The following CDH12 variants were observed in gnomAD, a reference collection of about 807,000 sequenced individuals.
CDH12 encodes the protein cadherin-12.
A neutral mutation model predicts 74.1 loss-of-function variants in CDH12; 41 were observed. The ratio of observed to expected loss-of-function variants is 0.55; its 90% CI spans 0.43 to 0.72. CDH12 has a LOEUF of 0.72. Among genes scored for constraint, CDH12 ranks in the 30% least tolerant of loss-of-function variants. The probability of loss-of-function intolerance (pLI) is 0.00; values close to 1 mark genes in which losing one functional copy is unlikely to be tolerated. For missense variants in CDH12, 945 were observed against 977.2 expected (o/e 0.97, Z 0.44); for synonymous variants, 399 against 355.0 (o/e 1.12, Z -1.39).
intron 8 of CDH12, among the ~76,000 whole-genome samples, chr5:21,827,541 T>C (rs1429263416): frequency 6.6e-6 from 1 of 152,170 alleles, no homozygotes; most frequent in African/African-American, 2.4e-5. Flanking sequence ...CTTACAAAGC[T>C]CACAACATTA....
chr5:22,579,909 A>G (rs1739994455), intron 1 of CDH12, among the ~76,000 whole-genome samples: 1 of 152,150 alleles, frequency 6.6e-6, no homozygotes, highest in Non-Finnish European at 1.5e-5. Flanking sequence ...CTCTTCGAAG[A>G]GGCTGACCTT....
chr5:22,710,225 C>A (rs2126972822), intron 1 of CDH12, among the ~76,000 whole-genome samples: 1 of 152,300 alleles, frequency 6.6e-6, no homozygotes, highest in Non-Finnish European at 1.5e-5. Context: ...ACAGGTACCT[C>A]AAGCTACTTG....
intron 1 of CDH12, among the ~76,000 whole-genome samples, chr5:22,595,050 C>G (rs942871647): frequency 9.2e-5 from 14 of 152,094 alleles, no homozygotes; most frequent in African/African-American, 3.4e-4. Context: ...TTAACTGATG[C>G]TCAAACTCTC....
At chr5:21,907,896 A>G (rs940904873) in intron 6 of CDH12, among the ~76,000 whole-genome samples, 6 of 152,146 alleles carry the variant, frequency 3.9e-5, no homozygotes, top group African/African-American at 1.4e-4. Context: ...GGACATAATA[A>G]TTGGGATGTT....
At chr5:21,796,718 T>C (rs1328970699) in intron 10 of CDH12, among the ~76,000 whole-genome samples, 1 of 152,098 alleles carries the variant, frequency 6.6e-6, no homozygotes, top group Non-Finnish European at 1.5e-5. Context: ...TTTTATACGT[T>C]TGGAACAAAA....
chr5:22,540,596 T>C (rs1738060149), intron 1 of CDH12, among the ~76,000 whole-genome samples: 2 of 152,190 alleles, frequency 1.3e-5, no homozygotes, highest in South Asian at 2.1e-4. Context: ...TGTGATTGTA[T>C]ACATTAAGAA....
chr5:22,458,510 T>C (rs1261249), intron 2 of CDH12, among the ~76,000 whole-genome samples: 71,697 of 151,878 alleles, frequency 0.47, 17,328 homozygotes, highest in Admixed American at 0.64. Context: ...ACATTCTGGC[T>C]CTAGAGAAAG....
At chr5:22,811,319 C>A (rs1749138730) in intron 1 of CDH12, among the ~76,000 whole-genome samples, 1 of 151,960 alleles carries the variant, frequency 6.6e-6, no homozygotes, top group African/African-American at 2.4e-5. Flanking sequence ...TTTGCAAATC[C>A]CAACTTAGAC....
chr5:22,815,769 CA>C (rs34135797), intron 1 of CDH12, among the ~76,000 whole-genome samples: 15,888 of 96,916 alleles, frequency 0.16, 845 homozygotes, highest in Middle Eastern at 0.3. Flanking sequence ...GACTCCGTCT[CA>C]AAAAAAAAAA....
intron 1 of CDH12, among the ~76,000 whole-genome samples, chr5:22,623,889 G>A (rs1462518751): frequency 1.3e-5 from 2 of 152,134 alleles, no homozygotes; most frequent in Admixed American, 6.6e-5. Flanking sequence ...AAAGTTGAAG[G>A]TATCACGCTA....
At chr5:22,190,946 G>A (rs183992853) in intron 4 of CDH12, among the ~76,000 whole-genome samples, 2 of 152,120 alleles carry the variant, frequency 1.3e-5, no homozygotes, top group East Asian at 1.9e-4. Context: ...TATGTATTTC[G>A]CTCCCTTGCC....
In CDH12 at chr5:21,751,882, A is replaced by G. The variant is rs750604634; in HGVS notation, c.2240T>C (p.Val747Ala). The part of the protein sequence containing the change: ...ATYAYEGSGS[V>A]AESLSSIDSL... The stretch of plus-strand genomic sequence containing the variant: ...GTCTATAGAGCTGAGGGACTCTGCC[A>G]CGGACCCACTCCCTTCGTAGGCATA... The change falls in exon 15 of 15, where the codon GTG becomes GCG. Residue 747 changes from valine to alanine, a missense_variant. By Grantham distance (64) the Val-to-Ala change is moderately conservative. Coordinates refer to ENST00000382254, the MANE Select transcript of CDH12 (RefSeq NM_004061.5). The G allele has an allele frequency of 1.1e-5, 18 of 1,614,078 alleles. No homozygotes were observed. In the South Asian group the frequency reaches 2.0e-4, roughly 18 times the overall value.
At chr5:21,949,449 CAAAAA>C (rs201292632) in intron 6 of CDH12, among the ~76,000 whole-genome samples, 2 of 83,758 alleles carry the variant, frequency 2.4e-5, no homozygotes, top group East Asian at 3.6e-4. Flanking sequence ...GACTCTGTCT[CAAAAA>C]AAAAAAAAAA....
At chr5:22,796,178 A>G (rs1229884009) in intron 1 of CDH12, among the ~76,000 whole-genome samples, 1 of 152,112 alleles carries the variant, frequency 6.6e-6, no homozygotes, top group East Asian at 1.9e-4. Context: ...TCTTTCGAAT[A>G]CCGATTTCAT....
intron 3 of CDH12, among the ~76,000 whole-genome samples, chr5:22,386,147 C>G (rs971991964): frequency 1.3e-5 from 2 of 152,098 alleles, no homozygotes; most frequent in African/African-American, 4.8e-5. Flanking sequence ...CTGCCTTGGT[C>G]TCAAAAAGTG....
chr5:22,039,879 CA>C (rs1739448275), intron 5 of CDH12, among the ~76,000 whole-genome samples: 1 of 151,740 alleles, frequency 6.6e-6, no homozygotes, highest in Non-Finnish European at 1.5e-5. Context: ...ATTATTCAAA[CA>C]GATGTGCAGA....
intron 4 of CDH12, among the ~76,000 whole-genome samples, chr5:22,199,399 C>A (rs116712985): frequency 0.056 from 8,567 of 152,220 alleles, 268 homozygotes; most frequent in Non-Finnish European, 0.063. Context: ...TTCCTAAGTT[C>A]ATATGTTGTT....
intron 10 of CDH12, among the ~76,000 whole-genome samples, chr5:21,794,770 G>C (rs1435370870): frequency 1.3e-5 from 2 of 151,574 alleles, no homozygotes; most frequent in East Asian, 3.9e-4. Flanking sequence ...CTTAGAATTA[G>C]TAAAGTAATT....
chr5:22,643,613 T>C (rs1739266697), intron 1 of CDH12, among the ~76,000 whole-genome samples: 1 of 151,912 alleles, frequency 6.6e-6, no homozygotes, highest in Non-Finnish European at 1.5e-5. Flanking sequence ...GCTAAACTCT[T>C]GCCAAAAGAA....
Sources: allele counts gnomAD v4.1 joint callset (sites outside exome capture counted in the v4.1 genomes callset), GRCh38; gene constraint gnomAD v4.1.1; transcripts MANE v1.5; gene names NCBI Gene and HGNC (gene_info 2026-07-23, HGNC 2026-07-21).